FRAS1: variants seen among roughly 807,000 people sequenced by gnomAD.
FRAS1 encodes the protein Fraser extracellular matrix complex subunit 1.
FRAS1 carries 290 observed loss-of-function variants against 435.2 expected under a neutral mutation model. The ratio of observed to expected loss-of-function variants is 0.67; its 90% CI spans 0.61 to 0.73. FRAS1 has a LOEUF of 0.73. Among genes scored for constraint, FRAS1 ranks in the 30% least tolerant of loss-of-function variants. FRAS1 has a pLI of 0.00. For synonymous variants in FRAS1, 1,800 were observed against 1,851.0 expected (o/e 0.97, Z 0.71); for missense variants, 4,860 against 5,001.5 (o/e 0.97, Z 0.85).
At chr4:78,279,039 G>A (rs1727197624) in intron 10 of FRAS1, among the ~76,000 whole-genome samples, 1 of 152,172 alleles carries the variant, frequency 6.6e-6, no homozygotes, top group African/African-American at 2.4e-5. Context: ...AACAGTGCAA[G>A]TGGGCTAGAC....
Position 78,508,189 on chromosome 4 carries a change from T to G in FRAS1, c.9505-542T>G, listed in dbSNP as rs943683936. Among the ~76,000 whole-genome samples the G allele has an allele frequency of 3.9e-5, 6 of 152,344 alleles. No homozygotes were observed. The East Asian group carries it at 1.2e-3, about 29-fold the overall frequency. ...TCCTTACAATTAAGAGGAAAACACC[T>G]AGAGGTTGCCAAGGAAAATTTAACC... On this transcript the variant is annotated intron_variant, in intron 62 of 73. Transcript: ENST00000512123.
intron 38 of FRAS1, among the ~76,000 whole-genome samples, chr4:78,433,994 A>G (rs1209761697): frequency 1.3e-5 from 2 of 152,252 alleles, no homozygotes; most frequent in Admixed American, 6.5e-5. Context: ...AGCATAGCAT[A>G]CATTTTAAAG....
intron 2 of FRAS1, among the ~76,000 whole-genome samples, chr4:78,190,219 C>A (rs1384192470): frequency 2.0e-5 from 3 of 152,194 alleles, no homozygotes; most frequent in Admixed American, 1.3e-4. Flanking sequence ...TACAGTACAG[C>A]CGCTGTGACT....
chr4:78,459,957 T>A (rs1227388977), intron 47 of FRAS1, among the ~76,000 whole-genome samples: 1 of 152,202 alleles, frequency 6.6e-6, no homozygotes, highest in Non-Finnish European at 1.5e-5. Flanking sequence ...ATTACACTAT[T>A]TCCAGATAAG....
At chr4:78,292,909 T>C (rs558923961) in intron 14 of FRAS1, among the ~76,000 whole-genome samples, 1 of 152,330 alleles carries the variant, frequency 6.6e-6, no homozygotes, top group South Asian at 2.1e-4. Context: ...AGAACTTCTT[T>C]GGCATTCTAC....
At chr4:78,181,379 T>G in intron 2 of FRAS1, 2 of 1,611,940 alleles carry the variant, frequency 1.2e-6, no homozygotes, top group Non-Finnish European at 1.7e-6. Flanking sequence ...AGTTCCCCAG[T>G]TGTGAGATCC....
intron 2 of FRAS1, among the ~76,000 whole-genome samples, chr4:78,121,686 C>T (rs548370394): frequency 7.2e-4 from 109 of 152,296 alleles, no homozygotes; most frequent in Non-Finnish European, 1.2e-3. Context: ...TCTTTGGTTA[C>T]GCTTGAGCTC....
chr4:78,522,617 AC>A (rs1721419731), intron 68 of FRAS1, 31 bp from the exon 69 acceptor site: 1 of 1,558,654 alleles, frequency 6.4e-7, no homozygotes, highest in African/African-American at 1.4e-5. Flanking sequence ...TACCACAAGT[AC>A]ATTAAATGCA....
chr4:78,269,440 T>A (rs2110158762), intron 9 of FRAS1, among the ~76,000 whole-genome samples: 1 of 152,346 alleles, frequency 6.6e-6, no homozygotes. Flanking sequence ...CATTTTGATT[T>A]CTGATCTTGG....
chr4:78,367,437 A>G (rs1164676896), intron 22 of FRAS1, among the ~76,000 whole-genome samples: 1 of 151,486 alleles, frequency 6.6e-6, no homozygotes, highest in Non-Finnish European at 1.5e-5. Flanking sequence ...AGATTCAGGA[A>G]CACAGCGGCA....
chr4:78,492,986 A>T (rs1046169738), intron 59 of FRAS1, among the ~76,000 whole-genome samples: 1 of 152,132 alleles, frequency 6.6e-6, no homozygotes, highest in Non-Finnish European at 1.5e-5. Flanking sequence ...ATCAAAAAGT[A>T]GGCAAAGGAT....
At position 78,472,314 on chromosome 4, in the gene FRAS1, T is replaced by G. The variant is rs377110300; in HGVS notation, c.7506T>G (p.Ala2502=). 4 of 1,607,460 alleles carry G rather than the reference T, an allele frequency of 2.5e-6. No homozygotes were observed. In the African/African-American group the frequency reaches 5.3e-5, roughly 21 times the overall value. The part of the protein sequence containing the change: ...VENKLQPGRA[A]ATFTQEDVNL... ...ACAAGCTGCAGCCTGGCAGAGCTGC[T>G]GCCACTTTCACCCAGGGTGGGGACT... Residue 2502 remains alanine, a synonymous_variant, in exon 52 of 74, where the codon GCT becomes GCG. Transcript: ENST00000512123.
chr4:78,451,118 G>A (rs7671908), intron 45 of FRAS1, among the ~76,000 whole-genome samples: 3,823 of 151,938 alleles, frequency 0.025, 165 homozygotes, highest in African/African-American at 0.088. Flanking sequence ...TTCATATGTC[G>A]GTGTCTACTT....
At chr4:78,466,479 G>GCTAC in intron 50 of FRAS1, 44 bp downstream of exon 50, 1 of 1,391,070 alleles carries the variant, frequency 7.2e-7, no homozygotes, top group Non-Finnish European at 1.0e-6. Context: ...GCACTGCATG[G>GCTAC]CAGAGGCAGA....
chr4:78,522,837 G>A (rs1721428528), intron 69 of FRAS1, 29 bp downstream of exon 69: 7 of 1,550,718 alleles, frequency 4.5e-6, no homozygotes, highest in Non-Finnish European at 6.1e-6. Flanking sequence ...GCCTCCATGG[G>A]TAGAGCTGAA....
intron 2 of FRAS1, among the ~76,000 whole-genome samples, chr4:78,103,089 C>T (rs541065945): frequency 1.3e-5 from 2 of 152,258 alleles, no homozygotes; most frequent in South Asian, 4.1e-4. Flanking sequence ...GCATCTTGGC[C>T]TCTGGAAGTG....
At chr4:78,249,048 GATATATATATATATGCAT>G (rs1553934017) in intron 4 of FRAS1, among the ~76,000 whole-genome samples, 6 of 27,530 alleles carry the variant, frequency 2.2e-4, no homozygotes, top group Non-Finnish European at 2.6e-4. Context: ...AAGAACTACT[GATATATATATATATGCAT>G]ATATATATAT....
rs562969733 is a variant in FRAS1, at chr4:78,227,525, G to A, written c.109-9985G>A. On this transcript the variant is annotated intron_variant, in intron 2 of 73. Transcript: ENST00000512123. ...GGTTTAGAAACACACTTAGTAGGAT[G>A]TGGCTTTACCTAATTGAATGTGAGT... Among the ~76,000 whole-genome samples, 19 of 152,344 alleles carry A rather than the reference G, an allele frequency of 1.2e-4. No individual in the cohort carries two copies. In the South Asian group the frequency reaches 3.7e-3, roughly 30 times the overall value.
At chr4:78,103,366 G>A (rs1742227344) in intron 2 of FRAS1, among the ~76,000 whole-genome samples, 1 of 152,130 alleles carries the variant, frequency 6.6e-6, no homozygotes, top group Admixed American at 6.5e-5. Flanking sequence ...GGTCACCCTG[G>A]ACAAGTGTCT....
Sources: gnomAD v4.1 joint callset for allele counts (sites outside exome capture counted in the v4.1 genomes callset) on GRCh38, gnomAD v4.1.1 for gene constraint, MANE v1.5 for transcripts, NCBI Gene and HGNC (gene_info 2026-07-23, HGNC 2026-07-21) for gene names.